The following THSD4 variants were observed in gnomAD, a reference collection of about 807,000 sequenced individuals.
THSD4 encodes the protein thrombospondin type 1 domain containing 4, also known as thrombospondin type-1 domain-containing protein 4.
In THSD4, 69 loss-of-function variants were observed where a neutral mutation model predicts 119.0. The observed-to-expected ratio is 0.58, with a 90% CI of 0.48 to 0.71. The LOEUF (loss-of-function observed/expected upper bound fraction) is 0.71, where lower values mean the gene tolerates loss of function less well. THSD4 is among the 30% of genes least tolerant of loss of function. THSD4 has a pLI of 0.00. For synonymous variants in THSD4, 524 were observed against 540.4 expected (o/e 0.97, Z 0.42); for missense variants, 1,393 against 1,391.1 (o/e 1.00, Z -0.02).
At chr15:71,383,069 T>C (rs1347853144) in intron 6 of THSD4, among the ~76,000 whole-genome samples, 1 of 152,230 alleles carries the variant, frequency 6.6e-6, no homozygotes, top group African/African-American at 2.4e-5. Flanking sequence ...CATTGTTTTT[T>C]TAAATTAACC....
At chr15:71,237,918 T>C (rs1053884990) in intron 4 of THSD4, among the ~76,000 whole-genome samples, 1 of 152,162 alleles carries the variant, frequency 6.6e-6, no homozygotes, top group Non-Finnish European at 1.5e-5. Context: ...AACATGCTGT[T>C]TGCAGCCATT....
intron 5 of THSD4, among the ~76,000 whole-genome samples, chr15:71,244,722 C>A (rs2044184565): frequency 1.3e-5 from 2 of 152,162 alleles, no homozygotes; most frequent in Non-Finnish European, 2.9e-5. Flanking sequence ...TAGGAAAGTG[C>A]TTTGTAAATC....
chr15:71,150,996 TC>T (rs2040716864), intron 2 of THSD4, among the ~76,000 whole-genome samples: 1 of 152,056 alleles, frequency 6.6e-6, no homozygotes, highest in South Asian at 2.1e-4. Flanking sequence ...GAGCTTACAT[TC>T]CATTGGATAG....
chr15:71,299,976 AATATATATAT>A (rs1185451144), intron 6 of THSD4, among the ~76,000 whole-genome samples: 10 of 48,284 alleles, frequency 2.1e-4, no homozygotes, highest in Middle Eastern at 9.1e-3. Flanking sequence ...AAAAAAAAAA[AATATATATAT>A]ATATATATAT....
chr15:71,590,954 C>T (rs1194219828), intron 7 of THSD4, among the ~76,000 whole-genome samples: 5 of 130,036 alleles, frequency 3.8e-5, no homozygotes, highest in Admixed American at 1.9e-4. Context: ...TGCAGTGAGC[C>T]AAGATCACGC....
At chr15:71,237,822 A>G (rs2044117880) in intron 4 of THSD4, among the ~76,000 whole-genome samples, 1 of 152,136 alleles carries the variant, frequency 6.6e-6, no homozygotes, top group African/African-American at 2.4e-5. Flanking sequence ...TGCTTGAGTC[A>G]TGCTGACTGC....
At chr15:71,126,220 C>G (rs772193364) in intron 1 of THSD4, among the ~76,000 whole-genome samples, 2 of 152,154 alleles carry the variant, frequency 1.3e-5, no homozygotes, top group Admixed American at 1.3e-4. Flanking sequence ...CCAGCAGTAA[C>G]GAAGCCATGC....
upstream of THSD4, chr15:71,111,488 G>A: frequency 8.2e-7 from 1 of 1,226,958 alleles, no homozygotes; most frequent in Non-Finnish European, 1.1e-6. Flanking sequence ...TCTACCCTGA[G>A]ATTTTTAGAA....
At chr15:71,348,541 T>C (rs1314092346) in intron 6 of THSD4, 4 of 152,224 alleles carry the variant, frequency 2.6e-5, no homozygotes, top group Non-Finnish European at 5.9e-5. Context: ...GCTCTGGCAA[T>C]GCCACCACTC....
chr15:71,141,431 C>A lies in THSD4; in HGVS notation c.-79-18C>A. On this transcript the variant is annotated intron_variant, in intron 1 of 17. Transcript: ENST00000261862. ...CCTAAGTAAATGTTGCTAAAAATAACATTGTTCATTTCCATAGGACTTGAA... is the reference window on the plus strand; with the variant it reads ...CCTAAGTAAATGTTGCTAAAAATAAAATTGTTCATTTCCATAGGACTTGAA... 1 of 1,273,406 alleles carries A rather than the reference C, an allele frequency of 7.9e-7. No individual in the cohort carries two copies. The allele number at this position is 1,273,406 out of a possible 1,614,324, so 78.9% of individuals were successfully genotyped here. A position where few individuals can be genotyped will look rare whatever the true frequency, so the allele number is the denominator to read the frequency against.
At chr15:71,193,318 G>A (rs891094586) in intron 3 of THSD4, among the ~76,000 whole-genome samples, 2 of 152,162 alleles carry the variant, frequency 1.3e-5, no homozygotes, top group Admixed American at 6.6e-5. Context: ...TGGGCCATAC[G>A]GAACTAGGAG....
intron 6 of THSD4, among the ~76,000 whole-genome samples, chr15:71,382,833 A>G (rs2046245190): frequency 6.6e-6 from 1 of 152,192 alleles, no homozygotes; most frequent in Non-Finnish European, 1.5e-5. Flanking sequence ...GCTTCTCTAT[A>G]CTGTATTAAA....
At chr15:71,461,255 A>T (rs75167859) in intron 7 of THSD4, among the ~76,000 whole-genome samples, 1 of 152,226 alleles carries the variant, frequency 6.6e-6, no homozygotes, top group Non-Finnish European at 1.5e-5. Flanking sequence ...TCCCTGCCAC[A>T]TGCACCTCTA....
At chr15:71,299,976 A>AAAAAAAATATATATATATAT (rs1555462049) in intron 6 of THSD4, among the ~76,000 whole-genome samples, 1 of 48,320 alleles carries the variant, frequency 2.1e-5, no homozygotes, top group African/African-American at 7.7e-5. Context: ...AAAAAAAAAA[A>AAAAAAAATATATATATATAT]ATATATATAT....
intron 8 of THSD4, among the ~76,000 whole-genome samples, chr15:71,690,671 G>A (rs1267830909): frequency 6.6e-6 from 1 of 152,210 alleles, no homozygotes; most frequent in Admixed American, 6.5e-5. Flanking sequence ...GTTTCATGTG[G>A]TTGGGGAGGC....
chr15:71,244,153 T>C lies in THSD4; in HGVS notation c.912+1057T>C, dbSNP rs567677688. Among the ~76,000 whole-genome samples the C allele has an allele frequency of 3.4e-4, 52 of 152,286 alleles. 1 individual carries two copies. In the South Asian group the frequency reaches 0.011, roughly 31 times the overall value. ...CCATGAGTTTGCTCTTCTCTTCATT[T>C]TATAGTTGCAAAGAGAGGTAAAATA... On this transcript the variant is annotated intron_variant, in intron 5 of 17. Transcript: ENST00000261862.
intron 7 of THSD4, among the ~76,000 whole-genome samples, chr15:71,467,384 A>G (rs1008924752): frequency 2.0e-5 from 3 of 152,226 alleles, no homozygotes; most frequent in African/African-American, 7.2e-5. Context: ...ACCTGAAGAA[A>G]TGATTAAATC....
chr15:71,404,752 G>A (rs1409087404), intron 6 of THSD4, among the ~76,000 whole-genome samples: 1 of 152,176 alleles, frequency 6.6e-6, no homozygotes, highest in East Asian at 1.9e-4. Flanking sequence ...CATGAAGCAG[G>A]CAGAGCCTTC....
At chr15:71,411,293 A>G (rs754705313) in intron 6 of THSD4, among the ~76,000 whole-genome samples, 1 of 152,180 alleles carries the variant, frequency 6.6e-6, no homozygotes, top group Non-Finnish European at 1.5e-5. Context: ...TCCCTCTATC[A>G]TCAAATATGG....
Sources: gnomAD v4.1 joint callset for allele counts (sites outside exome capture counted in the v4.1 genomes callset) on GRCh38, gnomAD v4.1.1 for gene constraint, MANE v1.5 for transcripts, NCBI Gene and HGNC (gene_info 2026-07-23, HGNC 2026-07-21) for gene names.